FTCDNL1: variants seen among roughly 807,000 people sequenced by gnomAD.
FTCDNL1 encodes the protein formiminotransferase N-terminal subdomain-containing protein.
A neutral mutation model predicts 5.9 loss-of-function variants in FTCDNL1; 11 were observed. The observed-to-expected ratio is 1.87, with a 90% confidence interval of 1.18 to 3.10. The LOEUF (loss-of-function observed/expected upper bound fraction) is 3.10, where lower values mean the gene tolerates loss of function less well. Ranked by LOEUF, FTCDNL1 falls within the 30% of genes most tolerant of loss-of-function variation. The probability of loss-of-function intolerance (pLI) is 0.00; values close to 1 mark genes in which losing one functional copy is unlikely to be tolerated. For missense variants in FTCDNL1, 115 were observed against 65.5 expected (o/e 1.76, Z -2.61); for synonymous variants, 58 against 24.8 (o/e 2.34, Z -3.99).
At chr2:199,692,145 C>T in the FTCDNL1 span, among the ~76,000 whole-genome samples, 9 of 152,022 alleles carry the variant, frequency 5.9e-5, no homozygotes, top group African/African-American at 1.2e-4. Context: ...TAGGTCAGAC[C>T]GGCTTCATTC....
At chr2:199,764,707 G>A (rs778359217) in intron 3 of FTCDNL1, among the ~76,000 whole-genome samples, 6 of 152,158 alleles carry the variant, frequency 3.9e-5, no homozygotes, top group Non-Finnish European at 5.9e-5. Flanking sequence ...GCCTTTTACC[G>A]GAGCAGAATT....
the FTCDNL1 span, among the ~76,000 whole-genome samples, chr2:199,689,055 T>C: frequency 6.6e-6 from 1 of 152,194 alleles, no homozygotes; most frequent in Non-Finnish European, 1.5e-5. Context: ...TACCAAAACA[T>C]ATGGAAATAA....
chr2:199,825,830 C>T (rs1455372481), intron 3 of FTCDNL1, among the ~76,000 whole-genome samples: 2 of 152,198 alleles, frequency 1.3e-5, no homozygotes, highest in Non-Finnish European at 2.9e-5. Context: ...TCATTCATAG[C>T]AATGCAAATG....
chr2:199,765,756 C>T (rs559387718), intron 3 of FTCDNL1, among the ~76,000 whole-genome samples: 12 of 151,040 alleles, frequency 7.9e-5, no homozygotes, highest in Admixed American at 6.6e-4. Context: ...TTGCCCAGCC[C>T]GGTCTCAAAC....
chr2:199,765,556 A>ATATATATATATATATATATATATTTT, intron 3 of FTCDNL1, among the ~76,000 whole-genome samples: 1 of 42,664 alleles, frequency 2.3e-5, no homozygotes, highest in African/African-American at 6.4e-5. Context: ...ATATATATAT[A>ATATATATATATATATATATATATTTT]TTTTTTTTTT....
Position 199,812,545 on chromosome 2 carries a change from C to A in FTCDNL1, c.*160G>T. On this transcript the variant is annotated 3_prime_UTR_variant, in exon 5 of 5. Coordinates refer to ENST00000420128, the MANE Select transcript of FTCDNL1 (RefSeq NM_001363886.2). ...ATGTCATATAATTAAAGTAATTCCA[C>A]TTTTTGCTCTAAAATTAGAAACCTG... 2.2e-6 allele frequency: 1 copy of A among 454,574 alleles called. No individual in the cohort carries two copies. The highest frequency in any genetic ancestry group is 5.3e-5 in the South Asian group (1 of 19,010). The allele number at this position is 454,574 out of a possible 1,614,324, so 28.2% of individuals were successfully genotyped here. A position where few individuals can be genotyped will look rare whatever the true frequency, so the allele number is the denominator to read the frequency against.
At chr2:199,716,695 CA>C in the FTCDNL1 span, among the ~76,000 whole-genome samples, 7 of 152,202 alleles carry the variant, frequency 4.6e-5, no homozygotes, top group East Asian at 9.7e-4. Flanking sequence ...ACGCTATTTA[CA>C]ATGAGGCCTG....
chr2:199,695,077 C>T, the FTCDNL1 span, among the ~76,000 whole-genome samples: 2 of 152,150 alleles, frequency 1.3e-5, no homozygotes, highest in Non-Finnish European at 2.9e-5. Flanking sequence ...CCAGAATGCA[C>T]ACACTAACGT....
At chr2:199,760,061 C>A (rs1698204083), downstream of FTCDNL1, among the ~76,000 whole-genome samples, 1 of 151,994 alleles carries the variant, frequency 6.6e-6, no homozygotes, top group Non-Finnish European at 1.5e-5. Context: ...TCGTATATCA[C>A]CTTTGAACAT....
At chr2:199,850,204 G>A (rs1225548373) in intron 1 of FTCDNL1, among the ~76,000 whole-genome samples, 1 of 152,040 alleles carries the variant, frequency 6.6e-6, no homozygotes, top group African/African-American at 2.4e-5. Context: ...TCTGTCATTA[G>A]GTTTTTCTAG....
chr2:199,847,151 A>G (rs1168467413), intron 2 of FTCDNL1, among the ~76,000 whole-genome samples: 1 of 151,376 alleles, frequency 6.6e-6, no homozygotes, highest in Non-Finnish European at 1.5e-5. Flanking sequence ...AAAATTTATT[A>G]CTCAGATTCC....
At chr2:199,789,314 G>A (rs1699809422) in intron 3 of FTCDNL1, among the ~76,000 whole-genome samples, 1 of 152,014 alleles carries the variant, frequency 6.6e-6, no homozygotes, top group Non-Finnish European at 1.5e-5. Context: ...AATGCAAGAC[G>A]GTTTAATGGT....
chr2:199,795,066 AG>A (rs1700107143), intron 3 of FTCDNL1, among the ~76,000 whole-genome samples: 1 of 152,218 alleles, frequency 6.6e-6, no homozygotes, highest in Admixed American at 6.5e-5. Context: ...ACTTCAGTTA[AG>A]CATTAGTTTC....
intron 3 of FTCDNL1, among the ~76,000 whole-genome samples, chr2:199,770,783 C>A (rs778962763): frequency 1.3e-5 from 2 of 152,218 alleles, no homozygotes; most frequent in Non-Finnish European, 2.9e-5. Context: ...CCATTGTCTG[C>A]CGCTTCACTC....
the FTCDNL1 span, among the ~76,000 whole-genome samples, chr2:199,664,454 A>G: frequency 6.6e-6 from 1 of 152,188 alleles, no homozygotes; most frequent in Non-Finnish European, 1.5e-5. Context: ...AGTACTACCT[A>G]CAGAGCTAAT....
the FTCDNL1 span, among the ~76,000 whole-genome samples, chr2:199,690,340 C>T: frequency 6.6e-6 from 1 of 152,186 alleles, no homozygotes. Flanking sequence ...AAATCGAAGT[C>T]CTGAACATGA....
intron 2 of FTCDNL1, among the ~76,000 whole-genome samples, chr2:199,847,739 T>C (rs1574708171): frequency 1.3e-5 from 2 of 152,222 alleles, no homozygotes; most frequent in African/African-American, 4.8e-5. Flanking sequence ...TCTCTGCACA[T>C]TCACTTAATC....
chr2:199,762,423 T>C (rs1352680633), intron 3 of FTCDNL1, among the ~76,000 whole-genome samples: 1 of 152,174 alleles, frequency 6.6e-6, no homozygotes, highest in Non-Finnish European at 1.5e-5. Context: ...TTGGGCCGCA[T>C]TCAAAGCAAT....
At chr2:199,728,820 T>C in the FTCDNL1 span, among the ~76,000 whole-genome samples, 10 of 152,200 alleles carry the variant, frequency 6.6e-5, no homozygotes, top group Admixed American at 2.0e-4. Context: ...TCAAAGCCTA[T>C]GAGCTGCAAA....
Sources: allele counts gnomAD v4.1 joint callset (sites outside exome capture counted in the v4.1 genomes callset), GRCh38; gene constraint gnomAD v4.1.1; transcripts MANE v1.5; gene names NCBI Gene and HGNC (gene_info 2026-07-23, HGNC 2026-07-21).